Variants in LEKR1 observed in about 807,000 individuals in gnomAD.
LEKR1 encodes the protein protein LEKR1.
LEKR1 carries 59 observed loss-of-function variants against 72.4 expected under a neutral mutation model. The observed-to-expected ratio is 0.82, with a 90% CI of 0.66 to 1.01. The LOEUF is 1.01. Among genes scored for constraint, LEKR1 ranks in the 50% least tolerant of loss-of-function variants. The pLI, the probability that LEKR1 is intolerant of heterozygous loss-of-function variation, is 0.00. For synonymous variants in LEKR1, 257 were observed against 263.2 expected (o/e 0.98, Z 0.23); for missense variants, 728 against 759.2 (o/e 0.96, Z 0.48).
intron 3 of LEKR1, among the ~76,000 whole-genome samples, chr3:156,904,357 A>G (rs1159187020): frequency 1.3e-5 from 2 of 151,650 alleles, no homozygotes; most frequent in Non-Finnish European, 2.9e-5. Context: ...AGAAAAATAC[A>G]CTAAACCCTT....
intron 7 of LEKR1, among the ~76,000 whole-genome samples, chr3:156,984,138 A>G (rs1730476853): frequency 6.6e-6 from 1 of 152,206 alleles, no homozygotes; most frequent in African/African-American, 2.4e-5. Context: ...CATTCATGCT[A>G]AAAATGAATA....
intron 6 of LEKR1, among the ~76,000 whole-genome samples, chr3:156,953,277 A>G (rs763382361): frequency 6.6e-6 from 1 of 151,606 alleles, no homozygotes; most frequent in Non-Finnish European, 1.5e-5. Context: ...CCCTATGGTT[A>G]ACATTGTACA....
chr3:156,881,603 C>A (rs1342696634), intron 3 of LEKR1, among the ~76,000 whole-genome samples: 1 of 151,106 alleles, frequency 6.6e-6, no homozygotes, highest in African/African-American at 2.4e-5. Flanking sequence ...TCAATGCCAT[C>A]CCCATCAAGC....
intron 6 of LEKR1, among the ~76,000 whole-genome samples, chr3:156,957,199 C>T (rs1353105083): frequency 3.9e-5 from 6 of 151,974 alleles, no homozygotes; most frequent in Non-Finnish European, 1.5e-5. Context: ...CCCATGCCAA[C>T]ATTTAGGACA....
At chr3:156,879,489 G>A (rs1719026096) in intron 3 of LEKR1, among the ~76,000 whole-genome samples, 2 of 152,022 alleles carry the variant, frequency 1.3e-5, no homozygotes, top group Non-Finnish European at 2.9e-5. Context: ...CAGCATAAAA[G>A]TTCAGAAAAA....
chr3:157,018,580 C>CCA (rs1238868620), intron 10 of LEKR1, among the ~76,000 whole-genome samples: 1 of 151,976 alleles, frequency 6.6e-6, no homozygotes. Flanking sequence ...CGCCCTGAGC[C>CCA]CACTATGCTG....
At chr3:156,891,256 T>C (rs1424011420) in intron 3 of LEKR1, among the ~76,000 whole-genome samples, 1 of 152,170 alleles carries the variant, frequency 6.6e-6, no homozygotes, top group Non-Finnish European at 1.5e-5. Context: ...CTGTTACATT[T>C]CAGAAGAATT....
At position 156,853,066 on chromosome 3, in the gene LEKR1, A is replaced by G. The variant is rs1182138275; in HGVS notation, c.263+84A>G. On this transcript the variant is annotated intron_variant, in intron 3 of 12. Coordinates refer to ENST00000356539, the MANE Select transcript of LEKR1 (RefSeq NM_001004316.3). ...AATACACTTTGAATGTTTTTCTAAA[A>G]TTTCTCTACATCAGGTATAGTTTAT... 3 of 823,990 alleles carry G rather than the reference A, an allele frequency of 3.6e-6. No homozygotes were observed. In the African/African-American group the frequency reaches 5.2e-5, roughly 14 times the overall value. The allele number at this position is 823,990 out of a possible 1,614,324, so 51.0% of individuals were successfully genotyped here.
At chr3:156,978,780 AG>A (rs1729923522) in intron 6 of LEKR1, among the ~76,000 whole-genome samples, 1 of 152,162 alleles carries the variant, frequency 6.6e-6, no homozygotes, top group African/African-American at 2.4e-5. Context: ...TAGTTCTAGC[AG>A]GAAGACTCAG....
chr3:156,848,941 C>G (rs191130249), intron 2 of LEKR1, among the ~76,000 whole-genome samples: 1 of 152,120 alleles, frequency 6.6e-6, no homozygotes, highest in Admixed American at 6.5e-5. Flanking sequence ...CATGTGCATT[C>G]AGTTAGGAAA....
chr3:156,996,552 A>T (rs961873026), intron 9 of LEKR1, among the ~76,000 whole-genome samples: 2 of 152,228 alleles, frequency 1.3e-5, no homozygotes, highest in Admixed American at 6.5e-5. Flanking sequence ...TAGAAAAATC[A>T]TTCTGGATGC....
chr3:156,946,636 G>T (rs1024861836), intron 6 of LEKR1, among the ~76,000 whole-genome samples: 4 of 151,240 alleles, frequency 2.6e-5, no homozygotes, highest in Non-Finnish European at 5.9e-5. Context: ...TTTTTTCAGG[G>T]TTCTTATCAC....
In LEKR1 at chr3:156,864,852, CA is replaced by C. The variant is rs1257876563; in HGVS notation, c.263+11871del. ...TTTTATTGTCCTTTTTTGGCCTCTC[CA>C]CTTCCTCCTGCTATGTAAATACTGG... is the stretch of plus-strand genomic sequence containing the variant. On this transcript the variant is annotated intron_variant, in intron 3 of 12. Coordinates refer to ENST00000356539, the MANE Select transcript of LEKR1 (RefSeq NM_001004316.3). Among the ~76,000 whole-genome samples the C allele has an allele frequency of 2.0e-5, 3 of 151,996 alleles. No homozygotes were observed. The East Asian group carries it at 5.8e-4, about 29-fold the overall frequency.
chr3:156,944,465 G>T (rs542748940), intron 6 of LEKR1, among the ~76,000 whole-genome samples: 8 of 151,636 alleles, frequency 5.3e-5, no homozygotes, highest in South Asian at 4.2e-4. Context: ...ATTGTTGACT[G>T]TGGTTACCCT....
At chr3:156,964,224 G>A (rs530687062) in intron 6 of LEKR1, among the ~76,000 whole-genome samples, 187 of 152,110 alleles carry the variant, frequency 1.2e-3, no homozygotes, top group African/African-American at 4.3e-3. Flanking sequence ...TGAATATATA[G>A]TTTTATAAAA....
intron 3 of LEKR1, among the ~76,000 whole-genome samples, chr3:156,909,524 G>A (rs1278700604): frequency 2.6e-5 from 4 of 151,932 alleles, no homozygotes; most frequent in South Asian, 2.1e-4. Flanking sequence ...GGTGGCATGC[G>A]CCTGTAGTCC....
At chr3:156,849,197 C>T (rs542281077) in intron 2 of LEKR1, among the ~76,000 whole-genome samples, 23 of 152,152 alleles carry the variant, frequency 1.5e-4, no homozygotes, top group Non-Finnish European at 2.5e-4. Context: ...ATCCAACTTA[C>T]AAGGGATGTG....
intron 11 of LEKR1, among the ~76,000 whole-genome samples, chr3:157,027,417 G>A (rs371915234): frequency 7.3e-4 from 111 of 152,278 alleles, no homozygotes; most frequent in African/African-American, 2.6e-3. Context: ...TTAGGGTAAA[G>A]TATAACTCTA....
chr3:156,837,711 A>G (rs171080), intron 2 of LEKR1, among the ~76,000 whole-genome samples: 23,917 of 152,192 alleles, frequency 0.16, 2,146 homozygotes, highest in South Asian at 0.25. Flanking sequence ...GACTAATCAC[A>G]CAAATCCTTT....
Sources: gnomAD v4.1 joint callset for allele counts (sites outside exome capture counted in the v4.1 genomes callset) on GRCh38, gnomAD v4.1.1 for gene constraint, MANE v1.5 for transcripts, NCBI Gene and HGNC (gene_info 2026-07-23, HGNC 2026-07-21) for gene names.